The following LRMDA variants were observed in gnomAD, a reference collection of about 807,000 sequenced individuals.
The protein encoded by LRMDA is leucine rich melanocyte differentiation associated.
In LRMDA, 18 loss-of-function variants were observed where a neutral mutation model predicts 29.8. The observed-to-expected ratio is 0.60, with a 90% CI of 0.42 to 0.90. LRMDA has a LOEUF of 0.90. Among genes scored for constraint, LRMDA ranks in the 40% least tolerant of loss-of-function variants. The pLI is 0.00. For synonymous variants in LRMDA, 125 were observed against 109.4 expected, an observed-to-expected ratio of 1.14 and a Z score of -0.89; for missense variants, 273 against 273.9, an observed-to-expected ratio of 1.00 and a Z score of 0.02.
chr10:75,463,417 T>A (rs1844611757), intron 2 of LRMDA, among the ~76,000 whole-genome samples: 1 of 151,922 alleles, frequency 6.6e-6, no homozygotes, highest in African/African-American at 2.4e-5. Context: ...TCTGAGAGGC[T>A]CCTGTAGACA....
intron 2 of LRMDA, among the ~76,000 whole-genome samples, chr10:75,680,173 C>A (rs543230603): frequency 6.6e-6 from 1 of 152,204 alleles, no homozygotes; most frequent in East Asian, 1.9e-4. Context: ...AGTGCTGTAA[C>A]AAGATCCCCC....
In LRMDA at chr10:76,218,628, A is replaced by T. The variant is rs1851771428; in HGVS notation, c.517-105773A>T. 5.3e-5 allele frequency among the ~76,000 whole-genome samples: 8 copies of T among 152,308 alleles called. No individual in the cohort carries two copies. In the South Asian group the frequency reaches 1.7e-3, roughly 32 times the overall value. Reference sequence around the variant, plus strand: ...AAGTATGCAGTACACTTAAAAAATGAAATGGACAATGAGATCTCTTCTTTG... The same window carrying T: ...AAGTATGCAGTACACTTAAAAAATGTAATGGACAATGAGATCTCTTCTTTG... On this transcript the variant is annotated intron_variant, in intron 5 of 6. Coordinates refer to ENST00000611255, the MANE Select transcript of LRMDA (RefSeq NM_001305581.2).
At chr10:75,692,307 AC>A (rs1842175432) in intron 2 of LRMDA, among the ~76,000 whole-genome samples, 1 of 147,286 alleles carries the variant, frequency 6.8e-6, no homozygotes, top group African/African-American at 2.5e-5. Flanking sequence ...ACACATATAT[AC>A]ATACATATAT....
intron 2 of LRMDA, among the ~76,000 whole-genome samples, chr10:75,893,932 C>A (rs78671290): frequency 1.0e-3 from 131 of 128,434 alleles, no homozygotes; most frequent in South Asian, 9.9e-4. Context: ...CTCCGTCTCA[C>A]AAAAAAAAAA....
At chr10:76,288,716 G>C (rs928285177) in intron 5 of LRMDA, among the ~76,000 whole-genome samples, 2 of 152,090 alleles carry the variant, frequency 1.3e-5, no homozygotes, top group African/African-American at 2.4e-5. Context: ...GCTATGACCA[G>C]ATTTGCACCT....
intron 5 of LRMDA, among the ~76,000 whole-genome samples, chr10:76,123,387 C>A (rs1364712573): frequency 6.7e-6 from 1 of 150,300 alleles, no homozygotes; most frequent in South Asian, 2.1e-4. Context: ...CTCACACCTG[C>A]GGTCCCAGCT....
At chr10:76,113,373 CT>C (rs200051485) in intron 5 of LRMDA, among the ~76,000 whole-genome samples, 16 of 148,812 alleles carry the variant, frequency 1.1e-4, no homozygotes, top group East Asian at 2.0e-4. Flanking sequence ...CCTCTAGAGA[CT>C]TTTTTTTTTC....
In LRMDA at chr10:75,674,951, T is replaced by G. The variant is rs116099635; in HGVS notation, c.131+236457T>G. Reference sequence around the variant, plus strand: ...ACCTGATAATGACAACAGTGACATATTCTTTTTCTAAGGGAAAGGACAGCC... The same window carrying G: ...ACCTGATAATGACAACAGTGACATAGTCTTTTTCTAAGGGAAAGGACAGCC... On this transcript the variant is annotated intron_variant, in intron 2 of 6. Coordinates refer to ENST00000611255, the MANE Select transcript of LRMDA (RefSeq NM_001305581.2). Among the ~76,000 whole-genome samples the G allele has an allele frequency of 9.7e-3, 1,471 of 152,300 alleles. 23 individuals carry two copies. Among genetic ancestry groups the G allele is most frequent in the African/African-American group, 0.034 (1,395 of 41,564 alleles).
chr10:75,693,763 A>T (rs1236439743), intron 2 of LRMDA, among the ~76,000 whole-genome samples: 2 of 152,154 alleles, frequency 1.3e-5, no homozygotes, highest in Admixed American at 1.3e-4. Flanking sequence ...AATATCAGGG[A>T]GTCATTTATC....
intron 6 of LRMDA, among the ~76,000 whole-genome samples, chr10:76,522,998 C>A (rs1440728971): frequency 2.0e-5 from 3 of 152,152 alleles, no homozygotes; most frequent in Admixed American, 2.0e-4. Flanking sequence ...GTGGGCACTG[C>A]AGACCAGAGA....
intron 5 of LRMDA, among the ~76,000 whole-genome samples, chr10:76,289,616 A>G (rs1330649221): frequency 6.6e-6 from 1 of 152,178 alleles, no homozygotes; most frequent in African/African-American, 2.4e-5. Flanking sequence ...GGTTAACTAT[A>G]GTCTGGCATT....
At chr10:75,877,874 C>T (rs1237328705) in intron 2 of LRMDA, among the ~76,000 whole-genome samples, 2 of 152,124 alleles carry the variant, frequency 1.3e-5, no homozygotes, top group African/African-American at 2.4e-5. Flanking sequence ...ATGAAGCAGA[C>T]TGGAACCTTT....
chr10:76,222,501 C>CAA (rs34731339), intron 5 of LRMDA, among the ~76,000 whole-genome samples: 331 of 151,940 alleles, frequency 2.2e-3, no homozygotes, highest in Non-Finnish European at 3.6e-3. Flanking sequence ...GTTATGCAGC[C>CAA]AAAAAAACAC....
At chr10:75,469,876 G>A (rs1288400514) in intron 2 of LRMDA, among the ~76,000 whole-genome samples, 1 of 152,172 alleles carries the variant, frequency 6.6e-6, no homozygotes, top group African/African-American at 2.4e-5. Flanking sequence ...TGCAGAGCTT[G>A]GTGTTGGTCT....
intron 6 of LRMDA, among the ~76,000 whole-genome samples, chr10:76,428,267 G>A (rs1429984316): frequency 6.6e-6 from 1 of 152,102 alleles, no homozygotes; most frequent in Admixed American, 6.6e-5. Flanking sequence ...GAGCCAGCCT[G>A]TCTTGGATTG....
At chr10:76,541,674 CCTT>C (rs1843357534) in intron 6 of LRMDA, among the ~76,000 whole-genome samples, 1 of 152,154 alleles carries the variant, frequency 6.6e-6, no homozygotes, top group African/African-American at 2.4e-5. Flanking sequence ...ATTTATTTCT[CCTT>C]CTTCCTCTGC....
chr10:76,437,114 AT>A lies in LRMDA; in HGVS notation c.601+112630del, dbSNP rs1842252869. 2.6e-5 allele frequency among the ~76,000 whole-genome samples: 4 copies of A among 152,352 alleles called. No individual in the cohort carries two copies. In the East Asian group the frequency reaches 5.8e-4, roughly 22 times the overall value. On this transcript the variant is annotated intron_variant, in intron 6 of 6. Coordinates refer to ENST00000611255, the MANE Select transcript of LRMDA (RefSeq NM_001305581.2). ...CTTTGAACTTGCATAGTCTAAAAAA[AT>A]AAATAAATAAAACAGGACCAGCAAG...
chr10:76,237,805 T>C (rs1338375836), intron 5 of LRMDA, among the ~76,000 whole-genome samples: 4 of 149,264 alleles, frequency 2.7e-5, no homozygotes, highest in Non-Finnish European at 4.5e-5. Flanking sequence ...TTTTTTTTTT[T>C]TTTTAAGATG....
At chr10:75,610,353 A>G (rs1589134557) in intron 2 of LRMDA, among the ~76,000 whole-genome samples, 1 of 151,624 alleles carries the variant, frequency 6.6e-6, no homozygotes, top group Non-Finnish European at 1.5e-5. Flanking sequence ...CCTCACCACA[A>G]ACACACACCC....
Sources: gnomAD v4.1 joint callset for allele counts (sites outside exome capture counted in the v4.1 genomes callset) on GRCh38, gnomAD v4.1.1 for gene constraint, MANE v1.5 for transcripts, NCBI Gene and HGNC (gene_info 2026-07-23, HGNC 2026-07-21) for gene names.